Variants in MAST4 observed in about 807,000 individuals in gnomAD.
The protein encoded by MAST4 is microtubule-associated serine/threonine-protein kinase 4.
Under a neutral mutation model 162.7 loss-of-function variants are expected in MAST4, and 89 were observed. That is an observed-to-expected ratio of 0.55 (90% CI 0.46 to 0.65). The LOEUF is 0.65. Among genes scored for constraint, MAST4 ranks in the 30% least tolerant of loss-of-function variants. MAST4 has a pLI of 0.00. For missense variants in MAST4, 3,153 were observed against 3,374.0 expected (o/e 0.93, Z 1.62); for synonymous variants, 1,479 against 1,361.1 (o/e 1.09, Z -1.91).
At chr5:66,922,838 G>C (rs534558793) in intron 4 of MAST4, among the ~76,000 whole-genome samples, 1 of 152,156 alleles carries the variant, frequency 6.6e-6, no homozygotes. Context: ...GAATGAGTAG[G>C]ATATTCACAG....
chr5:66,777,437 G>A lies in MAST4; in HGVS notation c.518-11233G>A, dbSNP rs150305718. Among the ~76,000 whole-genome samples the A allele has an allele frequency of 1.6e-3, 251 of 152,310 alleles. 1 individual carries two copies. Among genetic ancestry groups the A allele is most frequent in the Non-Finnish European group, 2.6e-3 (179 of 68,034 alleles). ...TGGTATCATCGCCATTGTACAGCAT[G>A]TTTATGGTAACTGAGGCTTAGAAGG... On this transcript the variant is annotated intron_variant, in intron 2 of 28. Transcript: ENST00000403625.
intron 4 of MAST4, among the ~76,000 whole-genome samples, chr5:66,970,680 T>G (rs748758073): frequency 6.6e-6 from 1 of 152,262 alleles, no homozygotes; most frequent in Non-Finnish European, 1.5e-5. Context: ...CAGAAATTAC[T>G]AAGCTAGATA....
intron 3 of MAST4, among the ~76,000 whole-genome samples, chr5:66,850,098 A>C (rs1258594069): frequency 6.6e-6 from 1 of 152,146 alleles, no homozygotes; most frequent in African/African-American, 2.4e-5. Context: ...TTTGCCTTTT[A>C]TTGCCTCTGT....
intron 4 of MAST4, among the ~76,000 whole-genome samples, chr5:66,997,512 A>C (rs555084979): frequency 1.3e-5 from 2 of 150,580 alleles, no homozygotes; most frequent in African/African-American, 2.4e-5. Context: ...GCTCACTGCA[A>C]CCTCCATCTC....
At chr5:66,926,558 T>TCTC (rs1561451910) in intron 4 of MAST4, among the ~76,000 whole-genome samples, 5 of 108,784 alleles carry the variant, frequency 4.6e-5, no homozygotes, top group African/African-American at 1.1e-4. Flanking sequence ...CTTTCTCTCT[T>TCTC]TCTCTCTCTA....
chr5:66,789,513 AT>A (rs1158884568), intron 3 of MAST4, among the ~76,000 whole-genome samples: 1 of 151,992 alleles, frequency 6.6e-6, no homozygotes, highest in South Asian at 2.1e-4. Context: ...TTTTTGAATA[AT>A]TTTTTAATGG....
At chr5:66,759,386 T>C (rs995724424) in intron 1 of MAST4, among the ~76,000 whole-genome samples, 2 of 152,180 alleles carry the variant, frequency 1.3e-5, no homozygotes, top group South Asian at 2.1e-4. Context: ...CCTTTCTTCA[T>C]TGGACTGTGA....
chr5:66,775,821 G>A (rs1001941532), intron 2 of MAST4, among the ~76,000 whole-genome samples: 1 of 152,072 alleles, frequency 6.6e-6, no homozygotes, highest in African/African-American at 2.4e-5. Context: ...GAGGCGCTGG[G>A]GGAGATGTAC....
chr5:66,928,360 C>T (rs976498303), intron 4 of MAST4, among the ~76,000 whole-genome samples: 8 of 152,172 alleles, frequency 5.3e-5, no homozygotes, highest in Admixed American at 3.9e-4. Flanking sequence ...TGGAAAAACA[C>T]AGGGATAAGA....
At chr5:66,834,799 A>T (rs1288864786) in intron 3 of MAST4, among the ~76,000 whole-genome samples, 1 of 152,190 alleles carries the variant, frequency 6.6e-6, no homozygotes, top group East Asian at 1.9e-4. Context: ...ATGTTAGTTC[A>T]TCGCCTTCCA....
chr5:66,871,047 A>G (rs1185297977), intron 3 of MAST4, among the ~76,000 whole-genome samples: 1 of 152,204 alleles, frequency 6.6e-6, no homozygotes, highest in African/African-American at 2.4e-5. Flanking sequence ...TTTAACAACC[A>G]GTCCTGAAAA....
At chr5:67,025,585 A>AGGT (rs1471025285) in intron 4 of MAST4, among the ~76,000 whole-genome samples, 1 of 152,158 alleles carries the variant, frequency 6.6e-6, no homozygotes, top group Non-Finnish European at 1.5e-5. Context: ...AGGCTGACCC[A>AGGT]GGTGGCCTCT....
At chr5:66,654,905 G>C (rs1260374439) in intron 1 of MAST4, among the ~76,000 whole-genome samples, 1 of 152,088 alleles carries the variant, frequency 6.6e-6, no homozygotes, top group Non-Finnish European at 1.5e-5. Context: ...TGAATAGACT[G>C]AGTTCTGTCA....
chr5:66,734,897 C>G (rs768418267), intron 1 of MAST4, among the ~76,000 whole-genome samples: 13 of 152,174 alleles, frequency 8.5e-5, no homozygotes, highest in Non-Finnish European at 1.5e-4. Flanking sequence ...TCTCTTTGTT[C>G]TAGTTATTCC....
At chr5:66,980,193 A>T (rs148639090) in intron 4 of MAST4, among the ~76,000 whole-genome samples, 12 of 152,310 alleles carry the variant, frequency 7.9e-5, no homozygotes, top group African/African-American at 2.9e-4. Flanking sequence ...GGCCAGAGAT[A>T]AGTCCCCCAG....
At chr5:66,986,379 AT>A in intron 4 of MAST4, 1 of 1,155,026 alleles carries the variant, frequency 8.7e-7, no homozygotes, top group Non-Finnish European at 1.2e-6. Context: ...CTTGCTCTTT[AT>A]TTTAGAAAGA....
chr5:66,747,460 C>G (rs1752839222), intron 1 of MAST4, among the ~76,000 whole-genome samples: 7 of 152,026 alleles, frequency 4.6e-5, no homozygotes, highest in Admixed American at 4.6e-4. Flanking sequence ...TGCATTCTTT[C>G]TTAAAAAATA....
intron 6 of MAST4, chr5:67,094,118 T>A: frequency 2.2e-6 from 3 of 1,384,160 alleles, no homozygotes; most frequent in African/African-American, 2.9e-5. Flanking sequence ...TTCTTTTTTT[T>A]AACATACTTG....
At chr5:67,115,475 T>G (rs1357833213) in intron 12 of MAST4, among the ~76,000 whole-genome samples, 2 of 152,344 alleles carry the variant, frequency 1.3e-5, no homozygotes, top group South Asian at 4.1e-4. Context: ...AGTGAAATGA[T>G]GCATGCATTA....
Sources: gnomAD v4.1 joint callset for allele counts (sites outside exome capture counted in the v4.1 genomes callset) on GRCh38, gnomAD v4.1.1 for gene constraint, MANE v1.5 for transcripts, NCBI Gene and HGNC (gene_info 2026-07-23, HGNC 2026-07-21) for gene names.